The following EIF3H variants were observed in gnomAD, a reference collection of about 807,000 sequenced individuals.
EIF3H encodes eukaryotic translation initiation factor 3 subunit H.
Under a neutral mutation model 44.2 loss-of-function variants are expected in EIF3H, and 26 were observed. The ratio of observed to expected loss-of-function variants is 0.59; its 90% CI spans 0.43 to 0.82. The LOEUF (loss-of-function observed/expected upper bound fraction) is 0.82, where lower values mean the gene tolerates loss of function less well. EIF3H is among the 40% of genes least tolerant of loss of function. The pLI, the probability that EIF3H is intolerant of heterozygous loss-of-function variation, is 0.00. For missense variants in EIF3H, 359 were observed against 432.8 expected (o/e 0.83, Z 1.51); for synonymous variants, 166 against 151.9 (o/e 1.09, Z -0.68).
intron 5 of EIF3H, among the ~76,000 whole-genome samples, chr8:116,655,150 G>A (rs1439881662): frequency 1.3e-5 from 2 of 151,870 alleles, no homozygotes; most frequent in Non-Finnish European, 1.5e-5. Context: ...AGCTATACAT[G>A]TGGCTCTATT....
At chr8:116,685,847 A>G (rs1310491135) in intron 2 of EIF3H, among the ~76,000 whole-genome samples, 1 of 152,202 alleles carries the variant, frequency 6.6e-6, no homozygotes, top group Admixed American at 6.5e-5. Flanking sequence ...CTGTGTCATG[A>G]AAGGTTCCCA....
chr8:116,656,252 C>A (rs1361039216), intron 4 of EIF3H, among the ~76,000 whole-genome samples: 1 of 152,056 alleles, frequency 6.6e-6, no homozygotes, highest in Admixed American at 6.6e-5. Context: ...GCAGAAGAAA[C>A]TACTCATTCT....
At chr8:116,675,137 T>C (rs1813828087) in intron 2 of EIF3H, among the ~76,000 whole-genome samples, 1 of 151,388 alleles carries the variant, frequency 6.6e-6, no homozygotes, top group Non-Finnish European at 1.5e-5. Context: ...ATCACATATG[T>C]CCTGATGGCA....
In EIF3H at chr8:116,694,446, CTGTT is replaced by C. The variant is rs139344457; in HGVS notation, c.289+31566_289+31569del. Reference sequence around the variant, plus strand: ...TCTTTGGCCTGCTGTGGCCACTGGTCTGTTTGTTTGTTTTCCTTCTCAATTTGAT... The same window carrying C: ...TCTTTGGCCTGCTGTGGCCACTGGTCTGTTTGTTTTCCTTCTCAATTTGAT... On this transcript the variant is annotated intron_variant, in intron 2 of 7. Transcript: ENST00000521861. Among the ~76,000 whole-genome samples the C allele has an allele frequency of 5.9e-3, 904 of 152,266 alleles. 11 individuals carry two copies. Among genetic ancestry groups the C allele is most frequent in the Middle Eastern group, 0.02 (6 of 294 alleles).
At chr8:116,686,002 G>A (rs956599199) in intron 2 of EIF3H, among the ~76,000 whole-genome samples, 7 of 152,108 alleles carry the variant, frequency 4.6e-5, no homozygotes, top group Non-Finnish European at 1.0e-4. Context: ...CACACTATCA[G>A]CTACTTCCAT....
intron 1 of EIF3H, among the ~76,000 whole-genome samples, chr8:116,738,014 G>A (rs1179379853): frequency 2.2e-5 from 3 of 135,726 alleles, no homozygotes; most frequent in East Asian, 2.2e-4. Context: ...CAGCCTGGGC[G>A]ACACAGCGAG....
chr8:116,673,842 C>A (rs1033920696), intron 2 of EIF3H, among the ~76,000 whole-genome samples: 1 of 151,898 alleles, frequency 6.6e-6, no homozygotes, highest in Non-Finnish European at 1.5e-5. Context: ...CAGGCCGAAG[C>A]GGGCGGATCA....
chr8:116,653,911 G>A (rs957008836), intron 5 of EIF3H, among the ~76,000 whole-genome samples: 1 of 152,164 alleles, frequency 6.6e-6, no homozygotes, highest in Non-Finnish European at 1.5e-5. Context: ...ATGTCTATAG[G>A]CTGTGAAAGG....
intron 6 of EIF3H, among the ~76,000 whole-genome samples, chr8:116,647,080 T>TTTTTC (rs1305118977): frequency 2.0e-5 from 3 of 152,104 alleles, no homozygotes; most frequent in Non-Finnish European, 4.4e-5. Flanking sequence ...GTTACGGCTT[T>TTTTTC]TTTTCTTTTC....
At chr8:116,656,855 G>A (rs952477348) in intron 4 of EIF3H, among the ~76,000 whole-genome samples, 2 of 151,986 alleles carry the variant, frequency 1.3e-5, no homozygotes, top group Non-Finnish European at 2.9e-5. Context: ...ATTAAACAAG[G>A]GTTCGGAAAA....
chr8:116,712,930 T>A (rs1188614653), intron 2 of EIF3H, among the ~76,000 whole-genome samples: 2 of 152,056 alleles, frequency 1.3e-5, no homozygotes, highest in Non-Finnish European at 2.9e-5. Flanking sequence ...CCATTTCTCC[T>A]GGGCAAGATA....
chr8:116,748,369 T>C (rs546500067), intron 1 of EIF3H, among the ~76,000 whole-genome samples: 1 of 152,304 alleles, frequency 6.6e-6, no homozygotes, highest in South Asian at 2.1e-4. Flanking sequence ...CAGGGTCTTA[T>C]AATAGGTGTC....
chr8:116,762,760 T>C (rs1008539539), intron 1 of EIF3H, among the ~76,000 whole-genome samples: 7 of 152,058 alleles, frequency 4.6e-5, no homozygotes, highest in Admixed American at 4.6e-4. Context: ...CTGGCCAGCA[T>C]AGTGAAACCC....
At chr8:116,699,226 T>G (rs987596240) in intron 2 of EIF3H, among the ~76,000 whole-genome samples, 2 of 152,194 alleles carry the variant, frequency 1.3e-5, no homozygotes, top group African/African-American at 4.8e-5. Context: ...GGTCCACCAT[T>G]CTTAAACTAC....
At chr8:116,712,209 C>T (rs1404059072) in intron 2 of EIF3H, among the ~76,000 whole-genome samples, 1 of 152,170 alleles carries the variant, frequency 6.6e-6, no homozygotes, top group Non-Finnish European at 1.5e-5. Flanking sequence ...CTCCTTCTAC[C>T]ACAGATGCTG....
At chr8:116,720,643 A>G (rs1033315808) in intron 2 of EIF3H, among the ~76,000 whole-genome samples, 14 of 152,232 alleles carry the variant, frequency 9.2e-5, no homozygotes, top group African/African-American at 3.4e-4. Context: ...CAGAAGACAG[A>G]AAAACTGTAG....
At chr8:116,734,415 A>G in intron 1 of EIF3H, 2 of 455,304 alleles carry the variant, frequency 4.4e-6, no homozygotes, top group South Asian at 1.6e-5. Flanking sequence ...AAATGCTAAT[A>G]TTTACATTTC....
At chr8:116,749,013 G>A (rs2130983098) in intron 1 of EIF3H, among the ~76,000 whole-genome samples, 1 of 152,208 alleles carries the variant, frequency 6.6e-6, no homozygotes, top group East Asian at 1.9e-4. Flanking sequence ...ATAGAGAGCT[G>A]ACTGTATATG....
At chr8:116,753,346 AATCCT>A (rs1815389606) in intron 1 of EIF3H, among the ~76,000 whole-genome samples, 2 of 152,146 alleles carry the variant, frequency 1.3e-5, no homozygotes, top group African/African-American at 4.8e-5. Context: ...CAAGTAAAAT[AATCCT>A]TTACCTGCTC....
Sources: allele counts gnomAD v4.1 joint callset (sites outside exome capture counted in the v4.1 genomes callset), GRCh38; gene constraint gnomAD v4.1.1; transcripts MANE v1.5; gene names NCBI Gene and HGNC (gene_info 2026-07-23, HGNC 2026-07-21).